CNTN5: variants seen among roughly 807,000 people sequenced by gnomAD.
CNTN5 encodes the protein contactin-5.
CNTN5 carries 77 observed loss-of-function variants against 129.1 expected under a neutral mutation model. The ratio of observed to expected loss-of-function variants is 0.60; its 90% CI spans 0.50 to 0.72. CNTN5 has a LOEUF of 0.72. Ranked by LOEUF, CNTN5 falls within the 30% of genes least tolerant of loss-of-function variation. CNTN5 has a pLI of 0.00. For missense variants in CNTN5, 1,478 were observed against 1,328.8 expected (o/e 1.11, Z -1.75); for synonymous variants, 509 against 465.6 (o/e 1.09, Z -1.20).
chr11:99,692,700 A>G (rs1001237523), intron 3 of CNTN5, among the ~76,000 whole-genome samples: 10 of 151,916 alleles, frequency 6.6e-5, no homozygotes, highest in Admixed American at 1.3e-4. Context: ...AAATGTTTTT[A>G]TAGTCAAATA....
intron 9 of CNTN5, among the ~76,000 whole-genome samples, chr11:100,005,216 T>C (rs1444157276): frequency 6.6e-6 from 1 of 152,180 alleles, no homozygotes. Context: ...ATCAACTCTT[T>C]ATTATTAACA....
intron 2 of CNTN5, among the ~76,000 whole-genome samples, chr11:99,452,986 A>G (rs895674551): frequency 3.9e-5 from 6 of 152,208 alleles, no homozygotes; most frequent in Non-Finnish European, 8.8e-5. Flanking sequence ...TGCCAATGTA[A>G]AAAAGCTAAG....
chr11:99,711,118 T>G (rs1954969553), intron 3 of CNTN5, among the ~76,000 whole-genome samples: 1 of 151,838 alleles, frequency 6.6e-6, no homozygotes. Context: ...TTTCAAAACA[T>G]TTTTGATTGT....
At chr11:99,237,560 A>G (rs1261802042) in intron 1 of CNTN5, among the ~76,000 whole-genome samples, 1 of 152,248 alleles carries the variant, frequency 6.6e-6, no homozygotes, top group East Asian at 1.9e-4. Context: ...ACACACCTGT[A>G]GTCCCAGGTA....
At chr11:99,895,405 A>T (rs1204444209) in intron 6 of CNTN5, among the ~76,000 whole-genome samples, 1 of 152,220 alleles carries the variant, frequency 6.6e-6, no homozygotes, top group African/African-American at 2.4e-5. Context: ...GACAGTTAAG[A>T]GGTTTCAGTT....
intron 3 of CNTN5, among the ~76,000 whole-genome samples, chr11:99,760,678 A>G (rs1944548948): frequency 6.6e-6 from 1 of 152,166 alleles, no homozygotes; most frequent in Non-Finnish European, 1.5e-5. Flanking sequence ...TTAAATACAC[A>G]TGAATACTGA....
intron 6 of CNTN5, among the ~76,000 whole-genome samples, chr11:99,890,753 A>G (rs1376159900): frequency 6.6e-6 from 1 of 152,162 alleles, no homozygotes; most frequent in African/African-American, 2.4e-5. Context: ...AGCACGGAAA[A>G]AGGGAAAAGG....
intron 1 of CNTN5, among the ~76,000 whole-genome samples, chr11:99,291,736 G>A (rs1197895757): frequency 6.6e-6 from 1 of 151,978 alleles, no homozygotes; most frequent in Non-Finnish European, 1.5e-5. Flanking sequence ...GAAAAGATCT[G>A]TTTTGAATGT....
At chr11:99,849,325 G>GGCTTTTT (rs1947800963) in intron 6 of CNTN5, among the ~76,000 whole-genome samples, 1 of 151,516 alleles carries the variant, frequency 6.6e-6, no homozygotes, top group South Asian at 2.1e-4. Flanking sequence ...AAAGTCACAT[G>GGCTTTTT]GCTTTTTGCA....
chr11:99,903,876 A>G (rs1431129194), intron 6 of CNTN5, among the ~76,000 whole-genome samples: 1 of 152,174 alleles, frequency 6.6e-6, no homozygotes, highest in Non-Finnish European at 1.5e-5. Flanking sequence ...ATAGATACCT[A>G]TCAAAACAAG....
chr11:99,043,714 C>A (rs969416528), intron 1 of CNTN5, among the ~76,000 whole-genome samples: 89 of 152,234 alleles, frequency 5.8e-4, no homozygotes, highest in African/African-American at 2.0e-3. Context: ...AATTTTTCTA[C>A]TCATACCACT....
intron 6 of CNTN5, among the ~76,000 whole-genome samples, chr11:99,853,940 C>T (rs1947954110): frequency 6.6e-6 from 1 of 152,142 alleles, no homozygotes; most frequent in South Asian, 2.1e-4. Context: ...AAACTTCCTA[C>T]TTAAAATCTT....
chr11:99,654,568 T>C (rs1001261946), intron 3 of CNTN5, among the ~76,000 whole-genome samples: 4 of 152,092 alleles, frequency 2.6e-5, no homozygotes, highest in Admixed American at 6.6e-5. Context: ...GATTTTCTGA[T>C]CTACATCTAC....
intron 3 of CNTN5, among the ~76,000 whole-genome samples, chr11:99,802,867 G>C (rs1946155903): frequency 6.6e-6 from 1 of 152,142 alleles, no homozygotes; most frequent in African/African-American, 2.4e-5. Flanking sequence ...GGAGTGGAGA[G>C]GGCTCTAATG....
intron 3 of CNTN5, among the ~76,000 whole-genome samples, chr11:99,781,847 A>G (rs1283128516): frequency 2.6e-5 from 4 of 152,146 alleles, no homozygotes; most frequent in Non-Finnish European, 5.9e-5. Flanking sequence ...AGAGCTATCT[A>G]TGACAAACGC....
chr11:100,205,596 ACAAT>A (rs1167607234), intron 15 of CNTN5, among the ~76,000 whole-genome samples: 1 of 152,110 alleles, frequency 6.6e-6, no homozygotes, highest in Non-Finnish European at 1.5e-5. Flanking sequence ...AGTGTACAAT[ACAAT>A]CAGCCTTCTG....
At chr11:99,889,120 T>C (rs923677201) in intron 6 of CNTN5, among the ~76,000 whole-genome samples, 16 of 152,152 alleles carry the variant, frequency 1.1e-4, no homozygotes, top group Non-Finnish European at 2.9e-5. Flanking sequence ...CCAGCAACGA[T>C]CCTTATTATT....
At chr11:99,950,412 C>T (rs939795711) in intron 7 of CNTN5, among the ~76,000 whole-genome samples, 5 of 152,238 alleles carry the variant, frequency 3.3e-5, no homozygotes, top group East Asian at 1.9e-4. Context: ...ACCTGGTAGG[C>T]GGAGCTTGCA....
At chr11:99,311,110 G>A (rs1364721849) in intron 1 of CNTN5, among the ~76,000 whole-genome samples, 2 of 152,028 alleles carry the variant, frequency 1.3e-5, no homozygotes, top group East Asian at 3.9e-4. Context: ...TGTATTTTTA[G>A]TAGAGACTGG....
Sources: allele counts gnomAD v4.1 joint callset (sites outside exome capture counted in the v4.1 genomes callset), GRCh38; gene constraint gnomAD v4.1.1; transcripts MANE v1.5; gene names NCBI Gene and HGNC (gene_info 2026-07-23, HGNC 2026-07-21).